NEBL: variants seen among roughly 807,000 people sequenced by gnomAD.
NEBL encodes the protein LIM and SH3 protein 2.
In NEBL, 122 loss-of-function variants were observed where a neutral mutation model predicts 140.2. The ratio of observed to expected loss-of-function variants is 0.87; its 90% CI spans 0.75 to 1.01. The LOEUF (loss-of-function observed/expected upper bound fraction) is 1.01, where lower values mean the gene tolerates loss of function less well. Ranked by LOEUF, NEBL falls within the 50% of genes least tolerant of loss-of-function variation. The pLI, the probability that NEBL is intolerant of heterozygous loss-of-function variation, is 0.00. For synonymous variants in NEBL, 436 were observed against 398.9 expected (o/e 1.09, Z -1.11); for missense variants, 1,365 against 1,231.3 (o/e 1.11, Z -1.62).
intron 4 of NEBL, among the ~76,000 whole-genome samples, chr10:20,915,101 C>A (rs1848490966): frequency 6.6e-6 from 1 of 151,528 alleles, no homozygotes; most frequent in Non-Finnish European, 1.5e-5. Context: ...CCATGCCTGG[C>A]TTTTATATAT....
chr10:21,285,084 C>A (rs1843038901), intron 1 of NEBL, among the ~76,000 whole-genome samples: 1 of 152,198 alleles, frequency 6.6e-6, no homozygotes, highest in South Asian at 2.1e-4. Flanking sequence ...AAGCACCATC[C>A]TAACTGAGTC....
At chr10:21,172,275 T>C (rs909201632) in intron 2 of NEBL, 102 of 859,894 alleles carry the variant, frequency 1.2e-4, no homozygotes, top group Non-Finnish European at 1.7e-4. Context: ...AACTGGCCCC[T>C]GCCACACCTG....
chr10:21,080,892 C>T (rs1251085814), intron 2 of NEBL, among the ~76,000 whole-genome samples: 1 of 152,052 alleles, frequency 6.6e-6, no homozygotes, highest in East Asian at 1.9e-4. Context: ...GTATCACTCT[C>T]GCCCAGGCTG....
intron 3 of NEBL, among the ~76,000 whole-genome samples, chr10:21,197,686 C>G (rs769603848): frequency 6.6e-6 from 1 of 152,154 alleles, no homozygotes; most frequent in African/African-American, 2.4e-5. Flanking sequence ...CACATAGACC[C>G]TAGATTATGG....
At chr10:21,031,654 A>T (rs142777593) in intron 2 of NEBL, among the ~76,000 whole-genome samples, 357 of 152,326 alleles carry the variant, frequency 2.3e-3, no homozygotes, top group Non-Finnish European at 3.6e-3. Flanking sequence ...TCAAGAACAG[A>T]ACAGAGTCAG....
At chr10:20,795,007 C>T (rs1836371056) in intron 26 of NEBL, among the ~76,000 whole-genome samples, 1 of 152,046 alleles carries the variant, frequency 6.6e-6, no homozygotes, top group Non-Finnish European at 1.5e-5. Flanking sequence ...GAATTTAATG[C>T]CAAAAATCTG....
chr10:20,901,060 C>T (rs778730593), upstream of NEBL, among the ~76,000 whole-genome samples: 3 of 151,828 alleles, frequency 2.0e-5, no homozygotes, highest in Non-Finnish European at 4.4e-5. Context: ...TAGTGGAGCC[C>T]CTCACAAACA....
chr10:21,192,782 T>A (rs1277870175), intron 3 of NEBL, among the ~76,000 whole-genome samples: 4 of 145,526 alleles, frequency 2.7e-5, no homozygotes, highest in Non-Finnish European at 6.0e-5. Flanking sequence ...GAGGCAGAGG[T>A]CACAGTAAGC....
At chr10:21,002,030 G>C (rs1484878703) in intron 3 of NEBL, among the ~76,000 whole-genome samples, 1 of 152,088 alleles carries the variant, frequency 6.6e-6, no homozygotes, top group Non-Finnish European at 1.5e-5. Context: ...TTAGTTAGTT[G>C]GGTTTTTCTA....
At chr10:20,904,966 A>G (rs1031618479) in intron 4 of NEBL, among the ~76,000 whole-genome samples, 5 of 152,236 alleles carry the variant, frequency 3.3e-5, no homozygotes, top group Non-Finnish European at 7.3e-5. Context: ...AATTTTATGA[A>G]AACACAGCAA....
intron 2 of NEBL, among the ~76,000 whole-genome samples, chr10:21,144,572 A>C (rs994435635): frequency 1.3e-5 from 2 of 152,160 alleles, no homozygotes; most frequent in African/African-American, 4.8e-5. Flanking sequence ...CTAAAAATAC[A>C]AAAATAAGCC....
chr10:21,108,843 G>A (rs767766625), intron 2 of NEBL, among the ~76,000 whole-genome samples: 5 of 152,122 alleles, frequency 3.3e-5, no homozygotes, highest in Non-Finnish European at 7.4e-5. Flanking sequence ...GGGTGCTCCT[G>A]TATTGGGTGC....
At chr10:20,882,770 A>G (rs1336022144) in intron 4 of NEBL, among the ~76,000 whole-genome samples, 1 of 152,196 alleles carries the variant, frequency 6.6e-6, no homozygotes, top group Non-Finnish European at 1.5e-5. Context: ...GGTATAACTA[A>G]CAATGTTTAA....
chr10:20,961,891 T>A, intron 3 of NEBL: 1 of 796,550 alleles, frequency 1.3e-6, no homozygotes, highest in Non-Finnish European at 2.1e-6. Context: ...AACACAGATC[T>A]CAGCCGGAGG....
intron 2 of NEBL, among the ~76,000 whole-genome samples, chr10:21,028,245 A>AGAAGAAGAAGAAGAAGAAGAAG (rs1554819348): frequency 2.2e-4 from 7 of 32,264 alleles, no homozygotes; most frequent in Admixed American, 2.7e-4. Flanking sequence ...CAAAAAAAAA[A>AGAAGAAGAAGAAGAAGAAGAAG]AAAAAAAAAA....
At chr10:21,029,752 T>C in intron 2 of NEBL, 1 of 796,482 alleles carries the variant, frequency 1.3e-6, no homozygotes, top group Non-Finnish European at 2.2e-6. Flanking sequence ...TATGGATCGA[T>C]ATGGCTGGCG....
intron 2 of NEBL, chr10:21,069,942 T>C (rs1045483704): frequency 2.2e-6 from 1 of 455,576 alleles, no homozygotes; most frequent in African/African-American, 2.0e-5. Flanking sequence ...ATATCCCCTA[T>C]CATGTACTTA....
intron 2 of NEBL, among the ~76,000 whole-genome samples, chr10:21,040,234 C>G (rs193242681): frequency 1.3e-5 from 2 of 152,006 alleles, no homozygotes; most frequent in Non-Finnish European, 2.9e-5. Context: ...GGTATGGTGG[C>G]GGGTGCCTGT....
At chr10:21,218,133 C>CTGGTG (rs1842021330) in intron 3 of NEBL, 1 of 154,464 alleles carries the variant, frequency 6.5e-6, no homozygotes, top group Non-Finnish European at 1.4e-5. Flanking sequence ...CAAGCCAGGC[C>CTGGTG]ACAAGTACAG....
Sources: gnomAD v4.1 joint callset for allele counts (sites outside exome capture counted in the v4.1 genomes callset) on GRCh38, gnomAD v4.1.1 for gene constraint, MANE v1.5 for transcripts, NCBI Gene and HGNC (gene_info 2026-07-23, HGNC 2026-07-21) for gene names.